Variants in SKP2 observed in about 807,000 individuals in gnomAD.
SKP2 encodes the protein S-phase kinase associated protein 2, also known as S-phase kinase-associated protein 2.
A neutral mutation model predicts 51.8 loss-of-function variants in SKP2; 16 were observed. The ratio of observed to expected loss-of-function variants is 0.31; its 90% CI spans 0.21 to 0.47. SKP2 has a LOEUF of 0.47. Among genes scored for constraint, SKP2 ranks in the 20% least tolerant of loss-of-function variants. SKP2 has a pLI of 1.00. For missense variants in SKP2, 377 were observed against 505.3 expected, an observed-to-expected ratio of 0.75 and a Z score of 2.43; for synonymous variants, 176 against 198.6, an observed-to-expected ratio of 0.89 and a Z score of 0.96.
chr5:36,164,315 T>C (rs1745218972), intron 3 of SKP2, among the ~76,000 whole-genome samples: 1 of 152,156 alleles, frequency 6.6e-6, no homozygotes, highest in Non-Finnish European at 1.5e-5. Context: ...CACAGACATG[T>C]TCCACACAGA....
At chr5:36,189,988 C>T (rs1348076626) in intron 6 of SKP2, among the ~76,000 whole-genome samples, 7 of 152,262 alleles carry the variant, frequency 4.6e-5, no homozygotes, top group African/African-American at 1.7e-4. Context: ...TAGCAGTGAG[C>T]GAGGCTCCAT....
intron 9 of SKP2, among the ~76,000 whole-genome samples, chr5:36,179,914 AT>A (rs3840163): frequency 0.64 from 91,315 of 142,890 alleles, 32,231 homozygotes; most frequent in Non-Finnish European, 0.81. Flanking sequence ...TACCGGGGGC[AT>A]TTTTTTTTTT....
Position 36,168,425 on chromosome 5 carries a change from C to G in SKP2, c.649C>G (p.Arg217Gly). 1 of 1,614,082 alleles carries G rather than the reference C, an allele frequency of 6.2e-7. No individual in the cohort carries two copies. Among genetic ancestry groups the G allele is most frequent in the Non-Finnish European group, 8.5e-7 (1 of 1,179,932 alleles). Residue 217 changes from arginine to glycine, a missense_variant, in exon 5 of 10, where the codon CGG becomes GGG. Arg to Gly is a moderately radical substitution (Grantham distance 125). Around this residue, in one of 2 missense-constraint regions of SKP2, gnomAD observed 262 missense variants for 389.8 expected, o/e 0.67. Coordinates refer to ENST00000274255, the MANE Select transcript of SKP2 (RefSeq NM_005983.4). The stretch of plus-strand genomic sequence containing the variant: ...GCAGAATCTAAGCCTGGAAGGCCTG[C>G]GGCTTTCGGATCCCATTGTCAAGTG... ...KLQNLSLEGL[R>G]LSDPIVNTLA...
chr5:36,153,183 C>A, intron 2 of SKP2, 141 bp downstream of exon 2: 2 of 641,580 alleles, frequency 3.1e-6, no homozygotes, highest in Non-Finnish European at 5.4e-6. Flanking sequence ...CAAAATAGGG[C>A]AAGTCGTCAA....
rs777910194 is a variant in SKP2 at position 36,163,754 on chromosome 5, A to C, written c.390A>C (p.Leu130=). 25 of 1,599,610 alleles carry C rather than the reference A, an allele frequency of 1.6e-5. No individual in the cohort carries two copies. The highest frequency in any genetic ancestry group is 2.1e-5 in the Non-Finnish European group (25 of 1,166,862). The change falls in exon 3 of 10, where the codon CTA becomes CTC. Residue 130 remains leucine, a splice_region_variant and synonymous_variant. Transcript: ENST00000274255. ...VSGVCKRWYR[L]ASDESLWQTL... ...GTGTTTGTAAGAGGTGGTATCGCCT[A>C]GCGTAAGTATTTTTCACCCCTTTGG...
In SKP2 at chr5:36,152,949, G is replaced by A. The variant is rs35748359; in HGVS notation, c.187G>A (p.Glu63Lys). The part of the protein sequence containing the change: ...QELLSNLGHP[E>K]SPPRKRLKSK... ...ACTGCTCTCAAACCTGGGCCACCCG[G>A]AGAGCCCCCCACGGAAACGGCTGAA... is the stretch of plus-strand genomic sequence containing the variant. The change falls in exon 2 of 10, where the codon GAG becomes AAG. Residue 63 changes from glutamate to lysine, a missense_variant. Physicochemically the swap from Glu to Lys is moderately conservative, Grantham distance 56. This residue lies in a region of SKP2 where 115 missense variants were observed against 115.5 expected (regional missense o/e 1.00). Coordinates refer to ENST00000274255, the MANE Select transcript of SKP2 (RefSeq NM_005983.4). The A allele has an allele frequency of 8.1e-6, 13 of 1,614,036 alleles. No individual in the cohort carries two copies. In the African/African-American group the frequency reaches 1.6e-4, roughly 20 times the overall value.
At chr5:36,187,161 T>C (rs1414976006), downstream of SKP2, among the ~76,000 whole-genome samples, 2 of 152,300 alleles carry the variant, frequency 1.3e-5, no homozygotes, top group East Asian at 3.9e-4. Context: ...GTCTATCAAT[T>C]TTGTTGATCT....
intron 9 of SKP2, chr5:36,180,209 G>A: frequency 7.9e-7 from 1 of 1,265,178 alleles, no homozygotes; most frequent in African/African-American, 1.5e-5. Flanking sequence ...GGATATACCA[G>A]AACCAGAATT....
intron 7 of SKP2, among the ~76,000 whole-genome samples, chr5:36,174,676 A>G (rs1745575656): frequency 6.6e-6 from 1 of 152,126 alleles, no homozygotes; most frequent in Admixed American, 6.5e-5. Context: ...TGCAAGGACG[A>G]AGAGCAAAGC....
chr5:36,182,033 G>A lies in SKP2; in HGVS notation c.*2G>A. Reference sequence around the variant, plus strand: ...CTGCAAAAGCCCAGTTGTCTATGAAGTATTTATTGCAGGATGGTGTCTCTT... The same window carrying A: ...CTGCAAAAGCCCAGTTGTCTATGAAATATTTATTGCAGGATGGTGTCTCTT... On this transcript the variant is annotated 3_prime_UTR_variant, in exon 10 of 10. Transcript: ENST00000274255. 6.2e-7 allele frequency: 1 copy of A among 1,614,004 alleles called. No homozygotes were observed. The highest frequency in any genetic ancestry group is 8.5e-7 in the Non-Finnish European group (1 of 1,179,908).
At chr5:36,170,315 T>C (rs1440705080) in intron 5 of SKP2, 29 bp from the exon 6 acceptor site, 3 of 1,380,234 alleles carry the variant, frequency 2.2e-6, no homozygotes, top group Non-Finnish European at 3.1e-6. Context: ...TACTGGTCTT[T>C]TTCTTCTGAC....
At chr5:36,181,762 AG>A in intron 9 of SKP2, 55 bp from the exon 10 acceptor site, 1 of 1,594,160 alleles carries the variant, frequency 6.3e-7, no homozygotes, top group Admixed American at 1.7e-5. Flanking sequence ...ATATAACTCT[AG>A]TCAAACAGTT....
intron 9 of SKP2, among the ~76,000 whole-genome samples, chr5:36,179,870 C>T (rs1446878136): frequency 6.6e-6 from 1 of 150,912 alleles, no homozygotes; most frequent in Admixed American, 6.6e-5. Context: ...AAGATGCTTG[C>T]AAATTTTTTA....
downstream of SKP2, among the ~76,000 whole-genome samples, chr5:36,187,314 T>C (rs553130343): frequency 4.6e-5 from 7 of 152,226 alleles, no homozygotes; most frequent in Non-Finnish European, 1.0e-4. Flanking sequence ...TCTAGTTCTT[T>C]CAATTGTGAT....
intron 6 of SKP2, among the ~76,000 whole-genome samples, chr5:36,190,461 C>CT (rs60340973): frequency 2.7e-5 from 4 of 147,508 alleles, no homozygotes; most frequent in Non-Finnish European, 4.5e-5. Context: ...TAAAAGTCAG[C>CT]AGCATTTTAA....
chr5:36,176,469 TA>T (rs1358429216), intron 7 of SKP2, among the ~76,000 whole-genome samples: 1 of 151,238 alleles, frequency 6.6e-6, no homozygotes, highest in East Asian at 1.9e-4. Context: ...ATTATTACCC[TA>T]AATACAAAAA....
intron 6 of SKP2, among the ~76,000 whole-genome samples, chr5:36,191,688 T>TATGAGGAAACA (rs1222680605): frequency 1.2e-4 from 18 of 152,096 alleles, no homozygotes; most frequent in Non-Finnish European, 2.1e-4. Context: ...ATGCAGAGCC[T>TATGAGGAAACA]ATGAGGAAAC....
chr5:36,178,134 TG>T (rs1318108966), intron 9 of SKP2, among the ~76,000 whole-genome samples: 1 of 152,178 alleles, frequency 6.6e-6, no homozygotes, highest in Non-Finnish European at 1.5e-5. Context: ...CAAATGTACA[TG>T]TGTAGCAATT....
At chr5:36,185,166 G>C (rs542412679), downstream of SKP2, among the ~76,000 whole-genome samples, 2 of 152,274 alleles carry the variant, frequency 1.3e-5, no homozygotes, top group South Asian at 4.1e-4. Flanking sequence ...TTAGCCGTTT[G>C]TCAGATGAGT....
Sources: gnomAD v4.1 joint callset for allele counts (sites outside exome capture counted in the v4.1 genomes callset) on GRCh38, gnomAD v4.1.1 for gene constraint, gnomAD v4.1.1 regional missense constraint, MANE v1.5 for transcripts, NCBI Gene and HGNC (gene_info 2026-07-23, HGNC 2026-07-21) for gene names.